SLC25A51: variants seen among roughly 807,000 people sequenced by gnomAD.
SLC25A51 encodes the protein solute carrier family 25 member 51.
In SLC25A51, 11 loss-of-function variants were observed where a neutral mutation model predicts 19.1. That is an observed-to-expected ratio of 0.58 (90% CI 0.36 to 0.96). The LOEUF (loss-of-function observed/expected upper bound fraction) is 0.96, where lower values mean the gene tolerates loss of function less well. SLC25A51 is among the 40% of genes least tolerant of loss of function. The pLI is 0.01. For missense variants in SLC25A51, 201 were observed against 365.4 expected (o/e 0.55, Z 3.67); for synonymous variants, 105 against 133.6 (o/e 0.79, Z 1.47).
intron 2 of SLC25A51, among the ~76,000 whole-genome samples, chr9:37,896,127 T>C (rs923038001): frequency 6.6e-6 from 1 of 152,224 alleles, no homozygotes; most frequent in South Asian, 2.1e-4. Context: ...TTATCACGTA[T>C]ACTGTAATAT....
At chr9:37,894,965 C>G (rs997320042) in intron 2 of SLC25A51, among the ~76,000 whole-genome samples, 2 of 152,166 alleles carry the variant, frequency 1.3e-5, no homozygotes, top group Non-Finnish European at 2.9e-5. Flanking sequence ...TCTTTTTATG[C>G]CTGCATAGTA....
At chr9:37,885,221 C>A (rs1035992767), downstream of SLC25A51, among the ~76,000 whole-genome samples, 1 of 151,786 alleles carries the variant, frequency 6.6e-6, no homozygotes, top group African/African-American at 2.4e-5. Flanking sequence ...TGTTTCAATG[C>A]AGGCGATTTC....
intron 2 of SLC25A51, among the ~76,000 whole-genome samples, chr9:37,893,158 G>A (rs1281285965): frequency 1.3e-5 from 2 of 152,186 alleles, no homozygotes; most frequent in Non-Finnish European, 2.9e-5. Flanking sequence ...GATTACAGGT[G>A]TAAGCCACTG....
chr9:37,902,486 C>T (rs958311521), intron 1 of SLC25A51, among the ~76,000 whole-genome samples: 8 of 152,220 alleles, frequency 5.3e-5, no homozygotes, highest in African/African-American at 1.9e-4. Flanking sequence ...TAATCCTACA[C>T]ACCAGGATGG....
At chr9:37,883,141 G>A (rs937712678), downstream of SLC25A51, among the ~76,000 whole-genome samples, 2 of 152,182 alleles carry the variant, frequency 1.3e-5, no homozygotes, top group African/African-American at 2.4e-5. Flanking sequence ...CACCGCACCC[G>A]GCCTGCCTTT....
At chr9:37,892,008 T>C (rs903568127) in intron 2 of SLC25A51, among the ~76,000 whole-genome samples, 1 of 151,304 alleles carries the variant, frequency 6.6e-6, no homozygotes, top group Non-Finnish European at 1.5e-5. Context: ...TAAGTGAAGA[T>C]GTATCCACAG....
downstream of SLC25A51, among the ~76,000 whole-genome samples, chr9:37,883,211 T>A (rs1018147596): frequency 6.6e-6 from 1 of 152,244 alleles, no homozygotes; most frequent in Non-Finnish European, 1.5e-5. Flanking sequence ...GAATCTCTTA[T>A]TAACAACACA....
chr9:37,893,672 G>A (rs761531845), intron 2 of SLC25A51, among the ~76,000 whole-genome samples: 1 of 152,184 alleles, frequency 6.6e-6, no homozygotes, highest in Non-Finnish European at 1.5e-5. Flanking sequence ...TTACTAATGC[G>A]GTTAGATTAT....
At chr9:37,887,109 G>A (rs371285380), downstream of SLC25A51, among the ~76,000 whole-genome samples, 7 of 152,148 alleles carry the variant, frequency 4.6e-5, no homozygotes, top group African/African-American at 1.7e-4. Context: ...GAGGTCAGGG[G>A]TTCGAGACCA....
chr9:37,901,456 A>G (rs555161718), intron 1 of SLC25A51, among the ~76,000 whole-genome samples: 2 of 152,354 alleles, frequency 1.3e-5, no homozygotes, highest in Admixed American at 1.3e-4. Flanking sequence ...GGTGTGAGCC[A>G]CTGTGCCTGG....
chr9:37,900,313 G>C (rs932154522), intron 1 of SLC25A51, among the ~76,000 whole-genome samples: 1 of 152,000 alleles, frequency 6.6e-6, no homozygotes, highest in African/African-American at 2.4e-5. Context: ...GCCAGGCATC[G>C]TGGCACGCAC....
At chr9:37,885,990 C>T (rs1011634462), downstream of SLC25A51, 50 of 1,613,538 alleles carry the variant, frequency 3.1e-5, no homozygotes, top group African/African-American at 4.5e-4. Flanking sequence ...GAGTTCTTTG[C>T]CAATTGGTCT....
At chr9:37,885,601 C>T (rs990159478), downstream of SLC25A51, 16 of 741,854 alleles carry the variant, frequency 2.2e-5, no homozygotes, top group African/African-American at 2.5e-4. Context: ...GTGAGTTTCA[C>T]TCTTTTTGGC....
chr9:37,902,693 G>A (rs949215352), intron 1 of SLC25A51, among the ~76,000 whole-genome samples: 7 of 152,086 alleles, frequency 4.6e-5, no homozygotes, highest in Non-Finnish European at 8.8e-5. Flanking sequence ...ATAACTTTAC[G>A]CTTGTTTGCT....
chr9:37,902,905 T>C (rs571394940), intron 1 of SLC25A51, among the ~76,000 whole-genome samples: 55 of 152,320 alleles, frequency 3.6e-4, no homozygotes, highest in African/African-American at 1.2e-3. Context: ...ACTCCAATTC[T>C]CAAAGGATGT....
chr9:37,899,222 TG>T (rs1831789889), intron 2 of SLC25A51, among the ~76,000 whole-genome samples: 1 of 152,234 alleles, frequency 6.6e-6, no homozygotes, highest in Non-Finnish European at 1.5e-5. Flanking sequence ...ATTCATTTGG[TG>T]TATTATGTTA....
downstream of SLC25A51, chr9:37,887,518 G>C: frequency 2.0e-6 from 2 of 1,000,202 alleles, no homozygotes; most frequent in Non-Finnish European, 2.9e-6. Flanking sequence ...CTAACCCTCT[G>C]ACCTACTCCC....
chr9:37,884,366 T>G (rs1831406429), downstream of SLC25A51, among the ~76,000 whole-genome samples: 1 of 152,254 alleles, frequency 6.6e-6, no homozygotes. Flanking sequence ...ACCCTTCAAA[T>G]GTCTTTATTT....
rs1554693409 is a variant in SLC25A51 at position 37,887,966 on chromosome 9, A to G, written c.585T>C (p.Gly195=). The G allele has an allele frequency of 6.2e-7, 1 of 1,611,968 alleles. No individual in the cohort carries two copies. Among genetic ancestry groups the G allele is most frequent in the Non-Finnish European group, 8.5e-7 (1 of 1,179,850 alleles). Residue 195 remains glycine, a synonymous_variant, in exon 3 of 3, where the codon GGT becomes GGC. Coordinates refer to ENST00000242275, the MANE Select transcript of SLC25A51 (RefSeq NM_033412.4). ...LSNVLFFGLR[G]PIKEHLPTAT... is the part of the protein sequence containing the mutation. ...CGGTAGGCAGATGCTCCTTAATGGG[A>G]CCTCGAAGGCCGAAAAACAAGACAT...
Sources: gnomAD v4.1 joint callset for allele counts (sites outside exome capture counted in the v4.1 genomes callset) on GRCh38, gnomAD v4.1.1 for gene constraint, MANE v1.5 for transcripts, NCBI Gene and HGNC (gene_info 2026-07-23, HGNC 2026-07-21) for gene names.